Variants in GRB10 observed in about 807,000 individuals in gnomAD.
The protein encoded by GRB10 is growth factor receptor-bound protein 10.
GRB10 carries 20 observed loss-of-function variants against 80.9 expected under a neutral mutation model. The ratio of observed to expected loss-of-function variants is 0.25; its 90% CI spans 0.17 to 0.36. The LOEUF is 0.36. Ranked by LOEUF, GRB10 falls within the 10% of genes least tolerant of loss-of-function variation. The pLI is 1.00. For synonymous variants in GRB10, 291 were observed against 291.5 expected, an observed-to-expected ratio of 1.00 and a Z score of 0.02; for missense variants, 548 against 747.7, an observed-to-expected ratio of 0.73 and a Z score of 3.12.
At chr7:50,603,008 G>A (rs938492295) in intron 17 of GRB10, among the ~76,000 whole-genome samples, 2 of 152,186 alleles carry the variant, frequency 1.3e-5, no homozygotes, top group African/African-American at 4.8e-5. Flanking sequence ...TGCGTGATGG[G>A]TAAGTGGGGT....
intron 3 of GRB10, among the ~76,000 whole-genome samples, chr7:50,738,776 TATA>T (rs2071232445): frequency 6.6e-6 from 1 of 152,064 alleles, no homozygotes; most frequent in Non-Finnish European, 1.5e-5. Context: ...GCTTTCTGTC[TATA>T]ATAACTAAAG....
chr7:50,706,445 C>CT (rs1230470066), intron 4 of GRB10, among the ~76,000 whole-genome samples: 1 of 152,188 alleles, frequency 6.6e-6, no homozygotes, highest in Non-Finnish European at 1.5e-5. Context: ...GCCACGTGCA[C>CT]TTTTTTAAGA....
intron 3 of GRB10, among the ~76,000 whole-genome samples, chr7:50,740,823 C>CAAA (rs2071592770): frequency 6.9e-6 from 1 of 144,930 alleles, no homozygotes. Flanking sequence ...CAAAACCATT[C>CAAA]TAATGAAAAA....
intron 2 of GRB10, among the ~76,000 whole-genome samples, chr7:50,760,426 G>A (rs2075631115): frequency 6.6e-6 from 1 of 152,166 alleles, no homozygotes; most frequent in South Asian, 2.1e-4. Flanking sequence ...AACATCATAA[G>A]GATTAATTCT....
chr7:50,644,407 C>T (rs951518698), intron 7 of GRB10, among the ~76,000 whole-genome samples: 4 of 152,158 alleles, frequency 2.6e-5, no homozygotes, highest in South Asian at 2.1e-4. Flanking sequence ...ACGTAGCACC[C>T]GCTTCCACTG....
intron 18 of GRB10, 148 bp from the exon 19 acceptor site, chr7:50,593,246 G>C: frequency 1.2e-6 from 1 of 865,166 alleles, no homozygotes; most frequent in Admixed American, 1.9e-5. Flanking sequence ...ACCAGGGGCG[G>C]GAAAGACGGG....
At chr7:50,699,637 C>T (rs2063883725) in intron 5 of GRB10, among the ~76,000 whole-genome samples, 1 of 152,174 alleles carries the variant, frequency 6.6e-6, no homozygotes, top group Admixed American at 6.5e-5. Context: ...TTACATTTCA[C>T]TTAAAATAAG....
intron 7 of GRB10, among the ~76,000 whole-genome samples, chr7:50,634,714 A>G (rs182340058): frequency 4.6e-5 from 7 of 152,372 alleles, no homozygotes; most frequent in Admixed American, 3.9e-4. Flanking sequence ...ATGCAATGGA[A>G]AACAAATGTG....
Position 50,669,782 on chromosome 7 carries a change from A to G in GRB10, c.444T>C (p.Pro148=). The G allele has an allele frequency of 6.2e-7, 1 of 1,614,006 alleles. No individual in the cohort carries two copies. The highest frequency in any genetic ancestry group is 8.5e-7 in the Non-Finnish European group (1 of 1,179,954). Residue 148 remains proline, a synonymous_variant, in exon 7 of 19, where the codon CCT becomes CCC. Transcript: ENST00000401949. ...IPNPFPELCG[P]GSPPVLTPGS... is the part of the protein sequence containing the mutation. ...CCGGCGTGAGCACAGGGGGGCTCCC[A>G]GGGCCACAGAGTTCAGGAAAAGGAT... is the stretch of plus-strand genomic sequence containing the variant.
chr7:50,619,090 A>G (rs989335001), intron 9 of GRB10, 80 bp downstream of exon 9: 3 of 823,456 alleles, frequency 3.6e-6, no homozygotes, highest in African/African-American at 1.7e-5. Flanking sequence ...GTCACTTTCT[A>G]ATCTGATACT....
At chr7:50,629,838 G>A (rs989981515) in intron 7 of GRB10, among the ~76,000 whole-genome samples, 4 of 152,174 alleles carry the variant, frequency 2.6e-5, no homozygotes, top group Non-Finnish European at 5.9e-5. Context: ...TGCGGAGCAG[G>A]CCTGGGTTTC....
At chr7:50,599,190 G>A (rs1408333281) in intron 17 of GRB10, among the ~76,000 whole-genome samples, 1 of 151,926 alleles carries the variant, frequency 6.6e-6, no homozygotes, top group African/African-American at 2.4e-5. Context: ...ACGGGGATGG[G>A]AGGGGAGCTG....
At chr7:50,699,008 T>C (rs1343882257) in intron 5 of GRB10, among the ~76,000 whole-genome samples, 1 of 152,248 alleles carries the variant, frequency 6.6e-6, no homozygotes, top group East Asian at 1.9e-4. Context: ...TTCCTGAATA[T>C]ACTCCTAGAT....
intron 7 of GRB10, among the ~76,000 whole-genome samples, chr7:50,634,224 G>A (rs943175593): frequency 1.3e-5 from 2 of 152,156 alleles, no homozygotes; most frequent in Non-Finnish European, 2.9e-5. Flanking sequence ...GAAGAGACTG[G>A]GGGTCTATTT....
At chr7:50,619,361 T>G in intron 8 of GRB10, 76 bp from the exon 9 acceptor site, 2 of 856,124 alleles carry the variant, frequency 2.3e-6, no homozygotes, top group East Asian at 4.8e-5. Flanking sequence ...AATGGAAGAT[T>G]TGTTCAACTT....
At chr7:50,698,097 T>C (rs1473859583) in intron 5 of GRB10, among the ~76,000 whole-genome samples, 1 of 152,234 alleles carries the variant, frequency 6.6e-6, no homozygotes, top group Non-Finnish European at 1.5e-5. Context: ...ATGCTTTCCT[T>C]TTTTGTAAAC....
chr7:50,615,478 G>GT lies in GRB10; in HGVS notation c.985-599dup, dbSNP rs1429217952. ...GACGCCCCTTCTCTCTGGCCCAGGTGTCGGCAGCTGCTGACTTCCCAGAGC... is the reference window on the plus strand; with the variant it reads ...GACGCCCCTTCTCTCTGGCCCAGGTGTTCGGCAGCTGCTGACTTCCCAGAGC... On this transcript the variant is annotated intron_variant, in intron 11 of 18. Coordinates refer to ENST00000401949, the MANE Select transcript of GRB10 (RefSeq NM_001350814.2). Among the ~76,000 whole-genome samples the GT allele has an allele frequency of 3.3e-5, 5 of 152,306 alleles. No individual in the cohort carries two copies. The East Asian group carries it at 9.6e-4, about 29-fold the overall frequency.
chr7:50,661,086 G>A (rs1334020148), intron 7 of GRB10, among the ~76,000 whole-genome samples: 3 of 152,230 alleles, frequency 2.0e-5, no homozygotes, highest in African/African-American at 4.8e-5. Flanking sequence ...CAAACTGCTC[G>A]GGACAGGCCC....
chr7:50,642,906 A>G (rs766662407), intron 7 of GRB10, among the ~76,000 whole-genome samples: 9 of 152,358 alleles, frequency 5.9e-5, no homozygotes, highest in Middle Eastern at 3.4e-3. Flanking sequence ...ATGTAGAATG[A>G]TAGACAAACT....
Sources: allele counts gnomAD v4.1 joint callset (sites outside exome capture counted in the v4.1 genomes callset), GRCh38; gene constraint gnomAD v4.1.1; transcripts MANE v1.5; gene names NCBI Gene and HGNC (gene_info 2026-07-23, HGNC 2026-07-21).